Variants in MCF2L observed in about 807,000 individuals in gnomAD.
MCF2L encodes the protein MCF.2 cell line derived transforming sequence like, also known as guanine nucleotide exchange factor DBS.
In MCF2L, 97 loss-of-function variants were observed where a neutral mutation model predicts 153.4. The observed-to-expected ratio is 0.63, with a 90% CI of 0.54 to 0.75. The LOEUF (loss-of-function observed/expected upper bound fraction) is 0.75. MCF2L is among the 30% of genes least tolerant of loss of function. MCF2L has a pLI of 0.00. For missense variants in MCF2L, 1,347 were observed against 1,495.2 expected, an observed-to-expected ratio of 0.90 and a Z score of 1.64; for synonymous variants, 659 against 632.2, an observed-to-expected ratio of 1.04 and a Z score of -0.64.
At chr13:112,896,037 C>T (rs545345021) in intron 1 of MCF2L, among the ~76,000 whole-genome samples, 8 of 152,322 alleles carry the variant, frequency 5.3e-5, no homozygotes, top group East Asian at 1.9e-4. Flanking sequence ...TGCTGGAATC[C>T]GTGAAGGGTC....
intron 3 of MCF2L, among the ~76,000 whole-genome samples, chr13:113,038,291 C>T (rs964159031): frequency 6.6e-6 from 1 of 151,934 alleles, no homozygotes; most frequent in African/African-American, 2.4e-5. Flanking sequence ...TGGTGAAACC[C>T]TGTCTCTACT....
chr13:113,050,140 T>G (rs1023907806), intron 4 of MCF2L, among the ~76,000 whole-genome samples: 1 of 152,068 alleles, frequency 6.6e-6, no homozygotes, highest in African/African-American at 2.4e-5. Flanking sequence ...TCTTCCACTG[T>G]ACTGCATGTG....
chr13:112,902,554 C>T (rs1264197151), intron 2 of MCF2L, among the ~76,000 whole-genome samples: 1 of 152,202 alleles, frequency 6.6e-6, no homozygotes, highest in African/African-American at 2.4e-5. Flanking sequence ...CTTTTACCTG[C>T]CCAGGTCCAA....
At chr13:112,976,757 C>T (rs527660156) in intron 1 of MCF2L, among the ~76,000 whole-genome samples, 53 of 152,280 alleles carry the variant, frequency 3.5e-4, no homozygotes, top group African/African-American at 1.3e-3. Flanking sequence ...GACACCATGG[C>T]GGGAAGACGA....
chr13:113,044,518 C>G, intron 3 of MCF2L: 1 of 1,010,770 alleles, frequency 9.9e-7, no homozygotes. Flanking sequence ...GATTCTAGCC[C>G]CTGCCTTAGG....
At chr13:113,096,003 G>C in intron 27 of MCF2L, 1 of 372,266 alleles carries the variant, frequency 2.7e-6, no homozygotes, top group Non-Finnish European at 4.8e-6. Context: ...CGGGCGAGTC[G>C]GGGAGTACCA....
intron 1 of MCF2L, among the ~76,000 whole-genome samples, chr13:112,976,542 G>T (rs1025058627): frequency 1.3e-5 from 2 of 152,230 alleles, no homozygotes; most frequent in Non-Finnish European, 2.9e-5. Context: ...GGTCGCTCAT[G>T]GGGCGGCAAG....
chr13:113,025,120 A>G (rs868125520), intron 3 of MCF2L, among the ~76,000 whole-genome samples: 19 of 32,578 alleles, frequency 5.8e-4, no homozygotes, highest in Non-Finnish European at 7.7e-4. Context: ...CTATGGGATG[A>G]GGCAGAGTCC....
At chr13:113,065,158 G>A (rs543349952) in intron 7 of MCF2L, 73 bp downstream of exon 7, 35 of 1,560,822 alleles carry the variant, frequency 2.2e-5, no homozygotes, top group Non-Finnish European at 2.9e-5. Context: ...GGCTCCGGTC[G>A]GAAGCTGCGG....
intron 2 of MCF2L, among the ~76,000 whole-genome samples, chr13:112,954,456 G>T (rs2081733262): frequency 6.6e-6 from 1 of 152,244 alleles, no homozygotes; most frequent in African/African-American, 2.4e-5. Flanking sequence ...CGATGTGGAG[G>T]ACCTGCGGTC....
Position 113,072,708 on chromosome 13 carries a change from C to T in MCF2L, c.997-1736C>T, listed in dbSNP as rs542477297. Among the ~76,000 whole-genome samples, 233 of 152,208 alleles carry T rather than the reference C, an allele frequency of 1.5e-3. 1 individual carries two copies. The highest frequency in any genetic ancestry group is 5.3e-3 in the African/African-American group (221 of 41,536). Reference sequence around the variant, plus strand: ...TGTAGTGATATTCCCTGTTTCATTTCTGATATTTGTAATTTGCATCTTTTC... The same window carrying T: ...TGTAGTGATATTCCCTGTTTCATTTTTGATATTTGTAATTTGCATCTTTTC... On this transcript the variant is annotated intron_variant, in intron 9 of 29. Transcript: ENST00000535094.
Position 113,027,179 on chromosome 13 carries a change from T to A in MCF2L, c.278+2421T>A. On this transcript the variant is annotated intron_variant, in intron 3 of 29. Transcript: ENST00000535094. The surrounding 1 kb of genome is among the most constrained non-coding windows in gnomAD (Gnocchi z 4.8). Reference sequence around the variant, plus strand: ...CATTACCGTGAAGGTTCTTCATTCTTCAGTCTTTAAAGACAACAGCGCACT... The same window carrying A: ...CATTACCGTGAAGGTTCTTCATTCTACAGTCTTTAAAGACAACAGCGCACT... The A allele has an allele frequency of 1.5e-6, 1 of 651,114 alleles. No homozygotes were observed. Among genetic ancestry groups the A allele is most frequent in the South Asian group, 1.7e-5 (1 of 58,726 alleles). The allele number at this position is 651,114 out of a possible 1,614,324, so 40.3% of individuals were successfully genotyped here.
At chr13:113,038,893 T>G (rs1451017123) in intron 3 of MCF2L, among the ~76,000 whole-genome samples, 1 of 152,236 alleles carries the variant, frequency 6.6e-6, no homozygotes, top group Non-Finnish European at 1.5e-5. Flanking sequence ...AGTCTCGCTG[T>G]GTCACCCAGG....
intron 2 of MCF2L, among the ~76,000 whole-genome samples, chr13:112,945,898 T>A (rs923956810): frequency 6.6e-6 from 1 of 152,210 alleles, no homozygotes; most frequent in African/African-American, 2.4e-5. Flanking sequence ...GCCGTGTACT[T>A]TATTCTTCTA....
intron 2 of MCF2L, chr13:112,909,571 C>CT (rs1426914452): frequency 4.5e-6 from 2 of 442,672 alleles, no homozygotes; most frequent in Non-Finnish European, 8.1e-6. Context: ...GGAGGAGAGT[C>CT]TAATAACCAA....
intron 4 of MCF2L, among the ~76,000 whole-genome samples, chr13:113,055,385 CACACACACACACACACACACACACACA>C (rs552180147): frequency 0.12 from 1,042 of 8,910 alleles, 270 homozygotes; most frequent in Non-Finnish European, 0.18. Flanking sequence ...CCCCCCGCCA[CACACACACACACACACACACACACACA>C]CACACACACA....
intron 1 of MCF2L, among the ~76,000 whole-genome samples, chr13:113,008,336 G>A (rs2083849828): frequency 2.0e-5 from 3 of 151,280 alleles, no homozygotes; most frequent in African/African-American, 2.4e-5. Flanking sequence ...ACAGGGGAAC[G>A]GTAATGTTGT....
Position 112,969,285 on chromosome 13 carries a change from C to T in MCF2L, c.-95C>T, listed in dbSNP as rs2081962562. Reference sequence around the variant, plus strand: ...GCTGCCGTGGCCCCCTCCCCGCCTCCGCCGCGCCCCCTCCGCACTCGCACG... The same window carrying T: ...GCTGCCGTGGCCCCCTCCCCGCCTCTGCCGCGCCCCCTCCGCACTCGCACG... On this transcript the variant is annotated 5_prime_UTR_variant, in exon 1 of 30. Coordinates refer to ENST00000535094, the MANE Select transcript of MCF2L (RefSeq NM_001112732.3). The surrounding 1 kb of genome is among the most constrained non-coding windows in gnomAD (Gnocchi z 4.8). The T allele has an allele frequency of 5.3e-6, 8 of 1,508,810 alleles. No homozygotes were observed. The highest frequency in any genetic ancestry group is 7.1e-6 in the Non-Finnish European group (8 of 1,121,928). The allele number at this position is 1,508,810 out of a possible 1,614,324, so 93.5% of individuals were successfully genotyped here.
chr13:112,913,070 GTC>G (rs1471859563), intron 2 of MCF2L, among the ~76,000 whole-genome samples: 1 of 151,468 alleles, frequency 6.6e-6, no homozygotes, highest in Admixed American at 6.6e-5. Flanking sequence ...TATGGGGTGT[GTC>G]TGTGTGATTG....
Sources: allele counts gnomAD v4.1 joint callset (sites outside exome capture counted in the v4.1 genomes callset), GRCh38; gene constraint gnomAD v4.1.1; non-coding constraint Gnocchi (gnomAD v3.1); transcripts MANE v1.5; gene names NCBI Gene and HGNC (gene_info 2026-07-23, HGNC 2026-07-21).